CAMK2G: variants seen among roughly 807,000 people sequenced by gnomAD.
CAMK2G encodes calcium/calmodulin dependent protein kinase II gamma.
CAMK2G carries 23 observed loss-of-function variants against 88.7 expected under a neutral mutation model. The observed-to-expected ratio is 0.26, with a 90% CI of 0.19 to 0.37. The LOEUF (loss-of-function observed/expected upper bound fraction) is 0.37, where lower values mean the gene tolerates loss of function less well. CAMK2G is among the 10% of genes least tolerant of loss of function. The pLI is 1.00. For missense variants in CAMK2G, 476 were observed against 780.8 expected (o/e 0.61, Z 4.65); for synonymous variants, 263 against 294.8 (o/e 0.89, Z 1.11).
At chr10:73,831,792 G>T (rs901980142) in intron 14 of CAMK2G, among the ~76,000 whole-genome samples, 1 of 152,092 alleles carries the variant, frequency 6.6e-6, no homozygotes, top group East Asian at 1.9e-4. Flanking sequence ...CCCGGGAGGC[G>T]GAGGTTGCAG....
At chr10:73,855,930 C>T (rs748163648) in intron 3 of CAMK2G, among the ~76,000 whole-genome samples, 15 of 152,016 alleles carry the variant, frequency 9.9e-5, no homozygotes, top group Non-Finnish European at 2.2e-4. Context: ...TTAGCAACAG[C>T]AGATTCATTA....
intron 14 of CAMK2G, 23 bp from the exon 15 acceptor site, chr10:73,828,144 G>T: frequency 6.2e-7 from 1 of 1,605,600 alleles, no homozygotes; most frequent in Non-Finnish European, 8.5e-7. Context: ...CAGCAAGAGG[G>T]AAAGAGAAGG....
chr10:73,857,544 C>A (rs2095128459), intron 3 of CAMK2G, among the ~76,000 whole-genome samples: 1 of 152,182 alleles, frequency 6.6e-6, no homozygotes, highest in African/African-American at 2.4e-5. Context: ...CCCAGACCCC[C>A]TGAATCAGAA....
chr10:73,874,540 AGAG>A lies in CAMK2G; in HGVS notation c.-82_-80del. ...TCACCGCCGCCCGGCCGAGGGAGCA[AGAG>A]GAGGAGACGGGGCTGAGCCCGGCAG... On this transcript the variant is annotated 5_prime_UTR_variant, in exon 1 of 23. Coordinates refer to ENST00000423381, the MANE Select transcript of CAMK2G (RefSeq NM_001367534.1). 9.8e-7 allele frequency: 1 copy of A among 1,018,676 alleles called. No homozygotes were observed. Among genetic ancestry groups the A allele is most frequent in the Non-Finnish European group, 1.3e-6 (1 of 741,220 alleles). The allele number at this position is 1,018,676 out of a possible 1,614,324, so 63.1% of individuals were successfully genotyped here. A position where few individuals can be genotyped will look rare whatever the true frequency, so the allele number is the denominator to read the frequency against.
chr10:73,837,210 G>T (rs778567421), intron 14 of CAMK2G: 3 of 493,208 alleles, frequency 6.1e-6, no homozygotes, highest in Non-Finnish European at 1.1e-5. Flanking sequence ...GTCAGGTTCC[G>T]GATTCAGCTC....
At chr10:73,828,191 G>A (rs2091598180) in intron 14 of CAMK2G, 70 bp from the exon 15 acceptor site, 3 of 1,248,622 alleles carry the variant, frequency 2.4e-6, no homozygotes, top group African/African-American at 1.5e-5. Context: ...CAGAGACGCT[G>A]CAGGTTAGCG....
chr10:73,841,260 T>C lies in CAMK2G; in HGVS notation c.946+909A>G, dbSNP rs560539003. ...TGGCTTAGGCTCCCACACAACCCCCTTTCCATGGTGGTGCAGAGGGGAAGC... is the reference window on the plus strand; with the variant it reads ...TGGCTTAGGCTCCCACACAACCCCCCTTCCATGGTGGTGCAGAGGGGAAGC... On this transcript the variant is annotated intron_variant, in intron 12 of 22. Transcript: ENST00000423381. Among the ~76,000 whole-genome samples, 377 of 152,230 alleles carry C rather than the reference T, an allele frequency of 2.5e-3. 1 individual carries two copies. Among genetic ancestry groups the C allele is most frequent in the African/African-American group, 7.4e-3 (306 of 41,532 alleles).
intron 12 of CAMK2G, chr10:73,841,871 A>G: frequency 2.9e-6 from 1 of 349,002 alleles, no homozygotes; most frequent in Non-Finnish European, 5.3e-6. Flanking sequence ...AAATCTGTAA[A>G]GTGCTGAGAG....
intron 19 of CAMK2G, 26 bp from the exon 20 acceptor site, chr10:73,817,580 T>C (rs2086108584): frequency 6.5e-7 from 1 of 1,537,528 alleles, no homozygotes; most frequent in South Asian, 1.1e-5. Flanking sequence ...ATCCATCAAT[T>C]TACCTACTGG....
chr10:73,832,320 T>TA (rs2092580492), intron 14 of CAMK2G, among the ~76,000 whole-genome samples: 1 of 148,186 alleles, frequency 6.7e-6, no homozygotes, highest in Non-Finnish European at 1.5e-5. Flanking sequence ...TTTTTTTTTT[T>TA]ATTTTTTGAG....
intron 17 of CAMK2G, among the ~76,000 whole-genome samples, chr10:73,822,071 T>G (rs1017162572): frequency 2.0e-5 from 3 of 152,254 alleles, no homozygotes; most frequent in Non-Finnish European, 4.4e-5. Context: ...TCACTTCCAA[T>G]GCACAGCTAC....
rs1052925591 is a variant in CAMK2G, at chr10:73,862,304, C to G, written c.161-1415G>C. On this transcript the variant is annotated intron_variant, in intron 2 of 22. Transcript: ENST00000423381. ...ACTTCTCCCTCCTACTCCACCCCCC[C>G]CCCCCCCGATTTCCCAATGCACTTC... Among the ~76,000 whole-genome samples the G allele has an allele frequency of 8.2e-5, 12 of 146,198 alleles. 1 individual carries two copies. Among genetic ancestry groups the G allele is most frequent in the South Asian group, 2.3e-4 (1 of 4,356 alleles).
chr10:73,860,326 C>T (rs144807781), intron 3 of CAMK2G, among the ~76,000 whole-genome samples: 10 of 152,322 alleles, frequency 6.6e-5, no homozygotes, highest in Admixed American at 5.9e-4. Flanking sequence ...ATCCCTTCTC[C>T]AGAGGAGCCA....
intron 1 of CAMK2G, among the ~76,000 whole-genome samples, chr10:73,874,152 C>T (rs1197185853): frequency 2.9e-5 from 4 of 136,054 alleles, no homozygotes; most frequent in Admixed American, 7.6e-5. Flanking sequence ...GGGAGCGGTC[C>T]GGGGTCTGCG....
In CAMK2G at chr10:73,825,286, G is replaced by A. The variant is rs199941276; in HGVS notation, c.1148C>T (p.Thr383Met). ...SPAQEPAPLQ[T>M]AMEPQTTVVH... ...GCTGTAGTCAGGAGGTACCATGGCC[G>A]TCTGCAAGGGCGCGGGCTCTTGGGC... Residue 383 changes from threonine (T) to methionine (M), a missense_variant, in exon 16 of 23, where the codon ACG becomes ATG. By Grantham distance (81) the Thr-to-Met change is moderately conservative. This residue lies in a region of CAMK2G where 278 missense variants were observed against 366.5 expected (regional missense o/e 0.76). Coordinates refer to ENST00000423381, the MANE Select transcript of CAMK2G (RefSeq NM_001367534.1). 26 of 1,612,120 alleles carry A rather than the reference G, an allele frequency of 1.6e-5. No homozygotes were observed. Among genetic ancestry groups the A allele is most frequent in the South Asian group, 2.2e-5 (2 of 91,042 alleles).
intron 17 of CAMK2G, among the ~76,000 whole-genome samples, chr10:73,823,252 G>A (rs944250817): frequency 3.3e-5 from 5 of 151,562 alleles, no homozygotes; most frequent in South Asian, 2.1e-4. Context: ...GTCTCACTGC[G>A]TAGCCCAAGC....
rs775458637 is a variant in CAMK2G at position 73,874,479 on chromosome 10, C to T, written c.-18G>A. The T allele has an allele frequency of 3.4e-6, 5 of 1,478,932 alleles. No individual in the cohort carries two copies. The African/African-American group carries it at 7.2e-5, about 21-fold the overall frequency. 91.6% of individuals were successfully genotyped at this position (1,478,932 alleles called of 1,614,324 possible). ...GTGGCCATGCTGGCGGGCGGGCGGA[C>T]GCGGCGGTGCAGCCCGCGCCGACGT... On this transcript the variant is annotated 5_prime_UTR_variant, in exon 1 of 23. Coordinates refer to ENST00000423381, the MANE Select transcript of CAMK2G (RefSeq NM_001367534.1).
chr10:73,841,228 T>C (rs1473485469), intron 12 of CAMK2G, among the ~76,000 whole-genome samples: 1 of 152,142 alleles, frequency 6.6e-6, no homozygotes, highest in Admixed American at 6.5e-5. Context: ...TGGCTCCCAC[T>C]GAGTGGTGGC....
chr10:73,842,420 G>T lies in CAMK2G; in HGVS notation c.903+38C>A. ...CAGGAGCCACACTGGTGCAAGGCAT[G>T]ATGTCAAGGAGGCTGGCAGCCTAGA... On this transcript the variant is annotated intron_variant, in intron 11 of 22. Coordinates refer to ENST00000423381, the MANE Select transcript of CAMK2G (RefSeq NM_001367534.1). The surrounding 1 kb of genome is among the most constrained non-coding windows in gnomAD (Gnocchi z 4.6). 2 of 1,463,184 alleles carry T rather than the reference G, an allele frequency of 1.4e-6. No homozygotes were observed. Among genetic ancestry groups the T allele is most frequent in the Non-Finnish European group, 1.9e-6 (2 of 1,042,234 alleles). 90.6% of individuals were successfully genotyped at this position (1,463,184 alleles called of 1,614,324 possible).
Sources: gnomAD v4.1 joint callset for allele counts (sites outside exome capture counted in the v4.1 genomes callset) on GRCh38, gnomAD v4.1.1 for gene constraint, gnomAD v4.1.1 regional missense constraint, Gnocchi (gnomAD v3.1) non-coding constraint, MANE v1.5 for transcripts, NCBI Gene and HGNC (gene_info 2026-07-23, HGNC 2026-07-21) for gene names.